ARNT2: variants seen among roughly 807,000 people sequenced by gnomAD.
ARNT2 encodes aryl hydrocarbon receptor nuclear translocator 2.
A neutral mutation model predicts 91.7 loss-of-function variants in ARNT2; 36 were observed. The observed-to-expected ratio is 0.39, with a 90% confidence interval of 0.30 to 0.52. The LOEUF is 0.52. ARNT2 is among the 20% of genes least tolerant of loss of function. The pLI is 0.72. For synonymous variants in ARNT2, 365 were observed against 347.1 expected (o/e 1.05, Z -0.57); for missense variants, 775 against 939.3 (o/e 0.83, Z 2.29).
intron 6 of ARNT2, among the ~76,000 whole-genome samples, chr15:80,511,262 G>C (rs763005882): frequency 6.6e-6 from 1 of 152,076 alleles, no homozygotes; most frequent in Non-Finnish European, 1.5e-5. Context: ...TATTGTTAGC[G>C]AATTAACACA....
chr15:80,428,856 G>T (rs1271252518), intron 1 of ARNT2, among the ~76,000 whole-genome samples: 1 of 152,198 alleles, frequency 6.6e-6, no homozygotes, highest in East Asian at 1.9e-4. Context: ...ATTTTGCGAT[G>T]TGTAATGAAC....
chr15:80,547,097 C>G (rs1898002538), intron 8 of ARNT2, among the ~76,000 whole-genome samples: 1 of 152,174 alleles, frequency 6.6e-6, no homozygotes, highest in Non-Finnish European at 1.5e-5. Flanking sequence ...CAACAGTTAT[C>G]AAGGTGTGGT....
intron 8 of ARNT2, among the ~76,000 whole-genome samples, chr15:80,550,570 A>G (rs1430301512): frequency 6.6e-6 from 1 of 152,218 alleles, no homozygotes. Flanking sequence ...CCAGACCCAC[A>G]TTGGACCAAA....
chr15:80,500,173 T>C (rs573588297), intron 5 of ARNT2, among the ~76,000 whole-genome samples: 83 of 152,312 alleles, frequency 5.4e-4, no homozygotes, highest in Middle Eastern at 6.8e-3. Flanking sequence ...CCCTGTCCTA[T>C]GGCCTGGTGT....
At chr15:80,415,083 GGTAT>G (rs2141556555) in intron 1 of ARNT2, among the ~76,000 whole-genome samples, 2 of 152,270 alleles carry the variant, frequency 1.3e-5, no homozygotes, top group African/African-American at 4.8e-5. Context: ...AGACTGTTCC[GGTAT>G]TCAACACATT....
chr15:80,426,124 G>C (rs188439561), intron 1 of ARNT2, among the ~76,000 whole-genome samples: 1 of 149,174 alleles, frequency 6.7e-6, no homozygotes, highest in Non-Finnish European at 1.5e-5. Context: ...TCTCTTCAAT[G>C]AAGATTGCCA....
chr15:80,460,976 C>T (rs968213115), intron 3 of ARNT2, among the ~76,000 whole-genome samples: 1 of 152,122 alleles, frequency 6.6e-6, no homozygotes, highest in African/African-American at 2.4e-5. Flanking sequence ...AAGTGCGAGG[C>T]TGTGGGTGCA....
intron 1 of ARNT2, among the ~76,000 whole-genome samples, chr15:80,408,083 T>C (rs1314945957): frequency 6.6e-6 from 1 of 152,256 alleles, no homozygotes; most frequent in Non-Finnish European, 1.5e-5. Flanking sequence ...ATTGGATTTT[T>C]TCCCCACTTC....
intron 3 of ARNT2, among the ~76,000 whole-genome samples, chr15:80,466,166 T>G (rs1207792955): frequency 6.6e-6 from 1 of 152,252 alleles, no homozygotes; most frequent in Non-Finnish European, 1.5e-5. Context: ...ATGCTCTTTA[T>G]TGAGATCTTA....
At chr15:80,540,391 T>C (rs1275484372) in intron 8 of ARNT2, among the ~76,000 whole-genome samples, 1 of 152,260 alleles carries the variant, frequency 6.6e-6, no homozygotes, top group African/African-American at 2.4e-5. Context: ...AATTGATTTC[T>C]GTTTCCTTAA....
At chr15:80,551,300 T>C (rs543277726) in intron 9 of ARNT2, 25 bp downstream of exon 9, 1 of 1,598,172 alleles carries the variant, frequency 6.3e-7, no homozygotes. Context: ...GTAGCCTTTT[T>C]AATCTTAAAT....
At chr15:80,469,878 G>T (rs1210151371) in intron 3 of ARNT2, among the ~76,000 whole-genome samples, 2 of 152,232 alleles carry the variant, frequency 1.3e-5, no homozygotes, top group African/African-American at 4.8e-5. Context: ...GCCTCCCAAA[G>T]TGCTGGGACT....
At chr15:80,580,272 G>GAGTCATTTTCTCTAGTGAC in intron 15 of ARNT2, 139 bp from the exon 16 acceptor site, 3 of 1,119,386 alleles carry the variant, frequency 2.7e-6, no homozygotes, top group Non-Finnish European at 4.0e-6. Context: ...CACGATGTGT[G>GAGTCATTTTCTCTAGTGAC]AGTCATTTTC....
intron 3 of ARNT2, among the ~76,000 whole-genome samples, chr15:80,469,039 T>A (rs1244420830): frequency 1.3e-5 from 2 of 152,246 alleles, no homozygotes; most frequent in African/African-American, 2.4e-5. Context: ...GTTGTTTTTT[T>A]CTTGCCCTTA....
At chr15:80,583,699 A>T (rs993769899) in intron 17 of ARNT2, among the ~76,000 whole-genome samples, 8 of 152,250 alleles carry the variant, frequency 5.3e-5, no homozygotes, top group Non-Finnish European at 8.8e-5. Context: ...CTGAGGTCAG[A>T]TAACTTACCC....
chr15:80,434,337 T>C (rs182680754), intron 1 of ARNT2: 1 of 152,356 alleles, frequency 6.6e-6, no homozygotes, highest in Admixed American at 6.5e-5. Flanking sequence ...CAGGAAGTGC[T>C]CCTTTTTCTC....
chr15:80,548,907 G>A (rs1164323039), intron 8 of ARNT2, among the ~76,000 whole-genome samples: 1 of 152,000 alleles, frequency 6.6e-6, no homozygotes, highest in East Asian at 1.9e-4. Flanking sequence ...CAGATAAGTT[G>A]GTACTATCAA....
At chr15:80,438,741 G>C (rs1248171933) in intron 1 of ARNT2, among the ~76,000 whole-genome samples, 1 of 152,232 alleles carries the variant, frequency 6.6e-6, no homozygotes, top group Non-Finnish European at 1.5e-5. Flanking sequence ...GTGGGCTGCA[G>C]TGCAGTGGTG....
chr15:80,577,026 G>T (rs769725759), intron 15 of ARNT2, 61 bp downstream of exon 15: 34 of 1,530,010 alleles, frequency 2.2e-5, no homozygotes, highest in Admixed American at 3.3e-5. Flanking sequence ...GAAAGCCCTG[G>T]GTCTCAGAGC....
Sources: gnomAD v4.1 joint callset for allele counts (sites outside exome capture counted in the v4.1 genomes callset) on GRCh38, gnomAD v4.1.1 for gene constraint, MANE v1.5 for transcripts, NCBI Gene and HGNC (gene_info 2026-07-23, HGNC 2026-07-21) for gene names.